Variants in VAV3 observed in about 807,000 individuals in gnomAD.
VAV3 encodes vav guanine nucleotide exchange factor 3, also known as guanine nucleotide exchange factor VAV3.
Under a neutral mutation model 131.2 loss-of-function variants are expected in VAV3, and 94 were observed. That is an observed-to-expected ratio of 0.72 (90% CI 0.61 to 0.85). VAV3 has a LOEUF of 0.85. Among genes scored for constraint, VAV3 ranks in the 40% least tolerant of loss-of-function variants. The probability of loss-of-function intolerance (pLI) is 0.00; values close to 1 mark genes in which losing one functional copy is unlikely to be tolerated. For missense variants in VAV3, 939 were observed against 1,002.7 expected, an observed-to-expected ratio of 0.94 and a Z score of 0.86; for synonymous variants, 349 against 342.0, an observed-to-expected ratio of 1.02 and a Z score of -0.22.
intron 1 of VAV3, among the ~76,000 whole-genome samples, chr1:107,886,678 T>C (rs1236602714): frequency 6.6e-6 from 1 of 152,200 alleles, no homozygotes. Context: ...TCTAGGTTTG[T>C]ACAAACTTGT....
intron 15 of VAV3, among the ~76,000 whole-genome samples, chr1:107,710,022 A>G (rs919795502): frequency 2.6e-5 from 4 of 152,254 alleles, no homozygotes; most frequent in Admixed American, 6.5e-5. Context: ...AATGTAAAAT[A>G]ATAATACATA....
chr1:107,633,159 C>T (rs554636019), intron 20 of VAV3, among the ~76,000 whole-genome samples: 1 of 151,736 alleles, frequency 6.6e-6, no homozygotes, highest in South Asian at 2.1e-4. Context: ...CCATCTAAAC[C>T]TGTGATAGGA....
At chr1:107,683,629 T>C (rs1036104813) in intron 18 of VAV3, 96 bp from the exon 19 acceptor site, 13 of 1,208,456 alleles carry the variant, frequency 1.1e-5, no homozygotes, top group Admixed American at 1.8e-5. Flanking sequence ...AGCAAATGAA[T>C]GTTGCACATT....
intron 2 of VAV3, among the ~76,000 whole-genome samples, chr1:107,804,579 C>T (rs182518900): frequency 2.0e-5 from 3 of 152,098 alleles, no homozygotes; most frequent in Non-Finnish European, 4.4e-5. Context: ...TCAATTTACA[C>T]ATTTTTGTAT....
chr1:107,817,240 G>A (rs1001283670), intron 2 of VAV3, among the ~76,000 whole-genome samples: 5 of 152,132 alleles, frequency 3.3e-5, no homozygotes, highest in African/African-American at 1.2e-4. Context: ...GATGGTACTG[G>A]GGAACCTCGC....
chr1:107,628,614 T>C (rs1373475183), intron 20 of VAV3, among the ~76,000 whole-genome samples: 1 of 152,228 alleles, frequency 6.6e-6, no homozygotes, highest in Non-Finnish European at 1.5e-5. Context: ...AAGTTATACA[T>C]AAAGTGATGT....
At chr1:107,717,064 T>G (rs1270990729) in intron 15 of VAV3, among the ~76,000 whole-genome samples, 1 of 152,248 alleles carries the variant, frequency 6.6e-6, no homozygotes, top group Non-Finnish European at 1.5e-5. Flanking sequence ...AGTTTGTATT[T>G]CTGTGGGATC....
At chr1:107,850,840 C>G (rs1196111911) in intron 2 of VAV3, among the ~76,000 whole-genome samples, 1 of 151,990 alleles carries the variant, frequency 6.6e-6, no homozygotes, top group African/African-American at 2.4e-5. Context: ...TATCTGCAAA[C>G]ATCTAATAAA....
chr1:107,817,565 C>G (rs763246384), intron 2 of VAV3, among the ~76,000 whole-genome samples: 6 of 152,112 alleles, frequency 3.9e-5, no homozygotes, highest in Non-Finnish European at 7.4e-5. Flanking sequence ...CAGAGCTAAG[C>G]TTTGAAATTA....
intron 17 of VAV3, among the ~76,000 whole-genome samples, chr1:107,700,919 A>G (rs565311606): frequency 2.0e-5 from 3 of 152,336 alleles, no homozygotes; most frequent in East Asian, 3.9e-4. Flanking sequence ...TCCCACCAAC[A>G]GTATAAAAGC....
At chr1:107,749,224 T>C (rs1001400955) in intron 14 of VAV3, 147 bp from the exon 15 acceptor site, 108 of 811,302 alleles carry the variant, frequency 1.3e-4, no homozygotes, top group Non-Finnish European at 2.0e-4. Flanking sequence ...CAACTTCATA[T>C]CTATAACAAT....
At chr1:107,866,807 A>G (rs1466921759) in intron 2 of VAV3, among the ~76,000 whole-genome samples, 1 of 126,342 alleles carries the variant, frequency 7.9e-6, no homozygotes, top group African/African-American at 3.1e-5. Flanking sequence ...TGGGCAAAAG[A>G]GCGAGACTCC....
chr1:107,940,568 G>A (rs79667292), intron 1 of VAV3, among the ~76,000 whole-genome samples: 220 of 152,276 alleles, frequency 1.4e-3, no homozygotes, highest in Non-Finnish European at 1.9e-3. Context: ...CTTAAAACTC[G>A]ATTGGGAGAC....
At chr1:107,759,736 T>A (rs1008259091) in intron 10 of VAV3, among the ~76,000 whole-genome samples, 1 of 152,146 alleles carries the variant, frequency 6.6e-6, no homozygotes, top group Admixed American at 6.5e-5. Flanking sequence ...CTTTTATAAG[T>A]CTGTGTAAAA....
chr1:107,802,775 T>C (rs993142628), intron 2 of VAV3, among the ~76,000 whole-genome samples: 11 of 152,126 alleles, frequency 7.2e-5, no homozygotes, highest in African/African-American at 2.7e-4. Flanking sequence ...TCTGTGTTTA[T>C]CAGTGATATT....
At chr1:107,596,985 T>A (rs1051967488) in intron 24 of VAV3, among the ~76,000 whole-genome samples, 1 of 152,158 alleles carries the variant, frequency 6.6e-6, no homozygotes, top group Non-Finnish European at 1.5e-5. Flanking sequence ...CCACATGCCA[T>A]CCTTCAGACT....
chr1:107,887,815 C>G (rs1671110530), intron 1 of VAV3, among the ~76,000 whole-genome samples: 1 of 152,156 alleles, frequency 6.6e-6, no homozygotes, highest in Non-Finnish European at 1.5e-5. Context: ...CTTTGATCTC[C>G]TTACCCAAAC....
chr1:107,922,732 C>T (rs969593522), intron 1 of VAV3, among the ~76,000 whole-genome samples: 1 of 151,214 alleles, frequency 6.6e-6, no homozygotes, highest in African/African-American at 2.4e-5. Flanking sequence ...GCGGGCGGAT[C>T]ATGAGGTCAG....
intron 2 of VAV3, among the ~76,000 whole-genome samples, chr1:107,863,472 C>T (rs1042017058): frequency 7.2e-5 from 11 of 152,160 alleles, no homozygotes; most frequent in Admixed American, 2.6e-4. Context: ...ACTCACTGGC[C>T]CTTTGTCAGA....
Sources: gnomAD v4.1 joint callset for allele counts (sites outside exome capture counted in the v4.1 genomes callset) on GRCh38, gnomAD v4.1.1 for gene constraint, MANE v1.5 for transcripts, NCBI Gene and HGNC (gene_info 2026-07-23, HGNC 2026-07-21) for gene names.